The following NCALD variants were observed in gnomAD, a reference collection of about 807,000 sequenced individuals.
NCALD encodes neurocalcin delta.
A neutral mutation model predicts 18.6 loss-of-function variants in NCALD; 10 were observed. The ratio of observed to expected loss-of-function variants is 0.54; its 90% CI spans 0.33 to 0.91. The LOEUF is 0.91. Among genes scored for constraint, NCALD ranks in the 40% least tolerant of loss-of-function variants. The probability of loss-of-function intolerance (pLI) is 0.03; values close to 1 mark genes in which losing one functional copy is unlikely to be tolerated. For synonymous variants in NCALD, 88 were observed against 87.4 expected, an observed-to-expected ratio of 1.01 and a Z score of -0.04; for missense variants, 184 against 247.6, an observed-to-expected ratio of 0.74 and a Z score of 1.72.
At chr8:102,121,972 AC>A (rs1188837281) in intron 1 of NCALD, among the ~76,000 whole-genome samples, 1 of 152,256 alleles carries the variant, frequency 6.6e-6, no homozygotes, top group Non-Finnish European at 1.5e-5. Flanking sequence ...TATTCATTCA[AC>A]AAACATGTAC....
At chr8:101,772,587 A>G (rs1161766962) in intron 1 of NCALD, among the ~76,000 whole-genome samples, 1 of 152,124 alleles carries the variant, frequency 6.6e-6, no homozygotes, top group Non-Finnish European at 1.5e-5. Context: ...TGGGTTATCA[A>G]TTCTCTTAGG....
At chr8:101,730,526 A>G (rs866819347) in intron 1 of NCALD, among the ~76,000 whole-genome samples, 9 of 149,124 alleles carry the variant, frequency 6.0e-5, no homozygotes, top group African/African-American at 2.3e-4. Flanking sequence ...AAATTCCTCC[A>G]TGTTATACAT....
chr8:101,907,523 T>C (rs1817650580), intron 3 of NCALD, among the ~76,000 whole-genome samples: 1 of 150,944 alleles, frequency 6.6e-6, no homozygotes, highest in Non-Finnish European at 1.5e-5. Context: ...TTTATTATTG[T>C]ATTAAATATT....
At chr8:101,801,643 C>CTTTTTCTTTTTTT (rs1563783000) in intron 4 of NCALD, among the ~76,000 whole-genome samples, 3 of 44,176 alleles carry the variant, frequency 6.8e-5, no homozygotes, top group Non-Finnish European at 1.1e-4. Flanking sequence ...AGCACACTTA[C>CTTTTTCTTTTTTT]TTTTTTTTTT....
chr8:102,101,447 G>A (rs897415343), intron 1 of NCALD, among the ~76,000 whole-genome samples: 3 of 152,218 alleles, frequency 2.0e-5, no homozygotes, highest in African/African-American at 7.2e-5. Flanking sequence ...ATAAACGAAG[G>A]CTGCATTGGA....
At position 101,892,628 on chromosome 8, in the gene NCALD, G is replaced by T. The variant is rs575163466; in HGVS notation, c.-106-5401C>A. On this transcript the variant is annotated intron_variant, in intron 3 of 6. Coordinates refer to the NCALD transcript ENST00000311028. ...TGAACACTTTGAAAAAAATATAGAA[G>T]AATGTATAACTAGAATAACCAATAC... 2.0e-5 allele frequency among the ~76,000 whole-genome samples: 3 copies of T among 149,598 alleles called. No individual in the cohort carries two copies. The South Asian group carries it at 6.2e-4, about 31-fold the overall frequency.
chr8:101,756,664 T>C (rs1810895561), intron 1 of NCALD, among the ~76,000 whole-genome samples: 2 of 152,276 alleles, frequency 1.3e-5, no homozygotes, highest in African/African-American at 2.4e-5. Context: ...TCCGAAGAAT[T>C]AACTAAAATA....
chr8:101,804,580 A>G (rs62517308), intron 4 of NCALD, among the ~76,000 whole-genome samples: 4,939 of 116,976 alleles, frequency 0.042, 112 homozygotes, highest in East Asian at 0.091. Context: ...TAATATAATT[A>G]ATTATATAAT....
intron 1 of NCALD, among the ~76,000 whole-genome samples, chr8:102,041,732 G>GCGTCGTTTCTACCA (rs1563567107): frequency 6.6e-6 from 1 of 152,108 alleles, no homozygotes; most frequent in African/African-American, 2.4e-5. Context: ...GTTGATTTTT[G>GCGTCGTTTCTACCA]AGCTCAGAAT....
At chr8:101,872,554 T>C in intron 4 of NCALD, 1 of 641,620 alleles carries the variant, frequency 1.6e-6, no homozygotes, top group East Asian at 2.7e-5. Flanking sequence ...CTGCATCTTG[T>C]TTCCAATCGC....
intron 4 of NCALD, among the ~76,000 whole-genome samples, chr8:101,842,846 G>C (rs1272985476): frequency 6.6e-6 from 1 of 152,186 alleles, no homozygotes; most frequent in African/African-American, 2.4e-5. Flanking sequence ...GCTGTTGGAT[G>C]AGCCCATCAA....
At chr8:101,985,163 C>G (rs1820759305) in intron 2 of NCALD, among the ~76,000 whole-genome samples, 1 of 152,204 alleles carries the variant, frequency 6.6e-6, no homozygotes. Flanking sequence ...AGCCAACAAG[C>G]CATGGAGGGG....
intron 1 of NCALD, among the ~76,000 whole-genome samples, chr8:102,088,865 C>T (rs55968485): frequency 0.026 from 3,919 of 152,202 alleles, 131 homozygotes; most frequent in East Asian, 0.13. Context: ...CTTTGGGGAG[C>T]ATCAGAAATT....
At chr8:102,093,102 T>C (rs1824977444) in intron 1 of NCALD, among the ~76,000 whole-genome samples, 1 of 151,762 alleles carries the variant, frequency 6.6e-6, no homozygotes, top group Non-Finnish European at 1.5e-5. Flanking sequence ...GAGGCTGCAA[T>C]GAGCCATGAT....
chr8:101,955,569 AT>A (rs1819593610), intron 2 of NCALD, among the ~76,000 whole-genome samples: 2 of 152,348 alleles, frequency 1.3e-5, no homozygotes, highest in South Asian at 4.1e-4. Context: ...GTTTAACAAC[AT>A]AACAGACTCT....
intron 2 of NCALD, among the ~76,000 whole-genome samples, chr8:101,979,400 G>A (rs1051370034): frequency 1.1e-4 from 16 of 152,112 alleles, no homozygotes; most frequent in African/African-American, 2.9e-4. Context: ...CAAAGACAAC[G>A]TTCCTACTCT....
In NCALD at chr8:102,077,106, A is replaced by G. The variant is rs192090776; in HGVS notation, c.-210+47131T>C. Among the ~76,000 whole-genome samples the G allele has an allele frequency of 8.5e-5, 13 of 152,156 alleles. No homozygotes were observed. In the East Asian group the frequency reaches 1.2e-3, roughly 14 times the overall value. On this transcript the variant is annotated intron_variant, in intron 1 of 6. Coordinates refer to the NCALD transcript ENST00000311028. The stretch of plus-strand genomic sequence containing the variant: ...CTCCCCAAATTAAGTAATGTTCTCT[A>G]TTCTTTCCCTGTCTCTCCTTTGCAG...
intron 1 of NCALD, among the ~76,000 whole-genome samples, chr8:102,037,736 C>T (rs1200459475): frequency 6.6e-6 from 1 of 152,076 alleles, no homozygotes; most frequent in Non-Finnish European, 1.5e-5. Context: ...TAGGCCACTG[C>T]CTTCAGCCTA....
At chr8:102,039,256 T>C (rs1483483728) in intron 1 of NCALD, among the ~76,000 whole-genome samples, 14 of 152,262 alleles carry the variant, frequency 9.2e-5, no homozygotes, top group Admixed American at 7.8e-4. Context: ...TAAATGCATA[T>C]TGTTTAAGCC....
Sources: gnomAD v4.1 joint callset for allele counts (sites outside exome capture counted in the v4.1 genomes callset) on GRCh38, gnomAD v4.1.1 for gene constraint, MANE v1.5 for transcripts, NCBI Gene and HGNC (gene_info 2026-07-23, HGNC 2026-07-21) for gene names.